Variants in PRKG2 observed in about 807,000 individuals in gnomAD.
PRKG2 encodes the protein cGMP-dependent protein kinase 2.
In PRKG2, 33 loss-of-function variants were observed where a neutral mutation model predicts 97.2. That is an observed-to-expected ratio of 0.34 (90% CI 0.26 to 0.45). The LOEUF (loss-of-function observed/expected upper bound fraction) is 0.45. Ranked by LOEUF, PRKG2 falls within the 20% of genes least tolerant of loss-of-function variation. The probability of loss-of-function intolerance (pLI) is 1.00; values close to 1 mark genes in which losing one functional copy is unlikely to be tolerated. For missense variants in PRKG2, 638 were observed against 900.0 expected (o/e 0.71, Z 3.73); for synonymous variants, 330 against 321.8 (o/e 1.03, Z -0.27).
At chr4:81,115,655 A>G (rs1284101384) in intron 14 of PRKG2, among the ~76,000 whole-genome samples, 2 of 152,130 alleles carry the variant, frequency 1.3e-5, no homozygotes, top group Non-Finnish European at 2.9e-5. Context: ...GCTGCAAACA[A>G]TTTTTACAGT....
intron 11 of PRKG2, among the ~76,000 whole-genome samples, chr4:81,142,194 A>G (rs1747361255): frequency 6.6e-6 from 1 of 152,224 alleles, no homozygotes; most frequent in South Asian, 2.1e-4. Context: ...GGAAGGCACA[A>G]CTAAAATCAG....
rs548566277 is a variant in PRKG2, at chr4:81,093,356, C to T, written c.2127-904G>A. 1.1e-3 allele frequency among the ~76,000 whole-genome samples: 146 copies of T among 137,920 alleles called. 1 individual carries two copies. In the South Asian group the frequency reaches 0.029, roughly 27 times the overall value. The allele number at this position is 137,920 out of a possible 152,430, so 90.5% of individuals were successfully genotyped here. A position where few individuals can be genotyped will look rare whatever the true frequency, so the allele number is the denominator to read the frequency against. On this transcript the variant is annotated intron_variant, in intron 17 of 18. Transcript: ENST00000264399. Reference sequence around the variant, plus strand: ...CCAATCTAAAATTGAAACTCTCCCCCACCAACACACACACACACACACACA... The same window carrying T: ...CCAATCTAAAATTGAAACTCTCCCCTACCAACACACACACACACACACACA...
chr4:81,125,188 T>C (rs1330596475), intron 14 of PRKG2, among the ~76,000 whole-genome samples: 1 of 152,224 alleles, frequency 6.6e-6, no homozygotes, highest in Non-Finnish European at 1.5e-5. Context: ...ATAAAATCCA[T>C]ATATTTTTGG....
Position 81,174,652 on chromosome 4 carries a change from C to A in PRKG2, c.628+141G>T, listed in dbSNP as rs1750768785. On this transcript the variant is annotated intron_variant, in intron 3 of 18. Coordinates refer to ENST00000264399, the MANE Select transcript of PRKG2 (RefSeq NM_006259.3). ...AACATTACCATCATCATGATTAGATCAACAATTTTGCTATTTCATGATTCA... is the reference window on the plus strand; with the variant it reads ...AACATTACCATCATCATGATTAGATAAACAATTTTGCTATTTCATGATTCA... The A allele has an allele frequency of 7.7e-6, 6 of 781,626 alleles. No homozygotes were observed. In the South Asian group the frequency reaches 1.2e-4, roughly 16 times the overall value. The allele number at this position is 781,626 out of a possible 1,614,324, so 48.4% of individuals were successfully genotyped here.
chr4:81,135,044 A>G, intron 14 of PRKG2, 111 bp downstream of exon 14: 3 of 1,092,472 alleles, frequency 2.7e-6, no homozygotes, highest in Non-Finnish European at 1.3e-6. Context: ...CCATACTGCC[A>G]AAGAGAGAAT....
chr4:81,211,640 T>C (rs62302273), intron 1 of PRKG2, among the ~76,000 whole-genome samples: 7,343 of 152,264 alleles, frequency 0.048, 239 homozygotes, highest in Non-Finnish European at 0.076. Flanking sequence ...CAAGGGAAGA[T>C]ACTATTGCAC....
intron 2 of PRKG2, among the ~76,000 whole-genome samples, chr4:81,184,404 C>A (rs958443080): frequency 6.6e-6 from 1 of 152,054 alleles, no homozygotes; most frequent in African/African-American, 2.4e-5. Context: ...AGCAGAGGGG[C>A]CTATTAGAAG....
intron 14 of PRKG2, among the ~76,000 whole-genome samples, chr4:81,111,925 C>T (rs1744031693): frequency 6.6e-6 from 1 of 152,162 alleles, no homozygotes; most frequent in African/African-American, 2.4e-5. Context: ...CAGCATTTCA[C>T]ATTTCACATA....
At chr4:81,142,741 C>CAA in intron 11 of PRKG2, 53 bp downstream of exon 11, 1 of 1,453,560 alleles carries the variant, frequency 6.9e-7, no homozygotes, top group Non-Finnish European at 9.2e-7. Context: ...GAATATAAAA[C>CAA]AAAAAAAAAG....
At chr4:81,141,490 C>T (rs1211848785) in intron 11 of PRKG2, among the ~76,000 whole-genome samples, 2 of 152,148 alleles carry the variant, frequency 1.3e-5, no homozygotes, top group Non-Finnish European at 2.9e-5. Flanking sequence ...AGACATTTCC[C>T]TCAGCACAGT....
chr4:81,148,678 C>T (rs976068341), intron 9 of PRKG2, among the ~76,000 whole-genome samples: 1 of 152,136 alleles, frequency 6.6e-6, no homozygotes, highest in African/African-American at 2.4e-5. Flanking sequence ...AATATTTAGC[C>T]TTCCAGCATC....
At chr4:81,102,363 G>A (rs1421060255) in intron 17 of PRKG2, among the ~76,000 whole-genome samples, 2 of 152,178 alleles carry the variant, frequency 1.3e-5, no homozygotes, top group African/African-American at 4.8e-5. Context: ...AGCATAACAT[G>A]AAGAACCTTC....
At chr4:81,205,091 G>A in intron 1 of PRKG2, 31 bp from the exon 2 acceptor site, 4 of 1,430,532 alleles carry the variant, frequency 2.8e-6, no homozygotes, top group Non-Finnish European at 3.8e-6. Flanking sequence ...GAAGTATCAA[G>A]TGGAGTTTCA....
chr4:81,165,570 G>C (rs1476854918), intron 6 of PRKG2, among the ~76,000 whole-genome samples: 1 of 142,492 alleles, frequency 7.0e-6, no homozygotes. Context: ...CATTACTCTC[G>C]TTAATCACTT....
Position 81,088,411 on chromosome 4 carries a change from T to C in PRKG2, c.*1297A>G, listed in dbSNP as rs968918536. On this transcript the variant is annotated 3_prime_UTR_variant, in exon 19 of 19. Coordinates refer to ENST00000264399, the MANE Select transcript of PRKG2 (RefSeq NM_006259.3). ...TTTTTACTCTGCTAGATTTAAAAAA[T>C]ACAGAAAAGTCTCTGCTTCTCATTC... 2.6e-5 allele frequency: 4 copies of C among 152,120 alleles called. No individual in the cohort carries two copies. Among genetic ancestry groups the C allele is most frequent in the African/African-American group, 9.7e-5 (4 of 41,446 alleles). The allele number at this position is 152,120 out of a possible 1,614,324, so 9.4% of individuals were successfully genotyped here.
chr4:81,173,904 C>T (rs1017833915), intron 3 of PRKG2: 2 of 152,112 alleles, frequency 1.3e-5, no homozygotes, highest in South Asian at 4.1e-4. Flanking sequence ...AAATAGAAAG[C>T]ATTCCTCCAT....
intron 17 of PRKG2, among the ~76,000 whole-genome samples, chr4:81,093,720 T>C (rs1293033307): frequency 6.6e-6 from 1 of 150,868 alleles, no homozygotes; most frequent in Non-Finnish European, 1.5e-5. Context: ...TCATCATTGC[T>C]TATGCATCAC....
At chr4:81,110,680 T>G (rs1743810456) in intron 14 of PRKG2, 69 bp from the exon 15 acceptor site, 1 of 1,557,224 alleles carries the variant, frequency 6.4e-7, no homozygotes, top group Admixed American at 1.7e-5. Context: ...GCCTCCCTCT[T>G]ACCTCTGAAA....
chr4:81,142,168 A>C (rs1368832623), intron 11 of PRKG2, among the ~76,000 whole-genome samples: 1 of 152,232 alleles, frequency 6.6e-6, no homozygotes, highest in Non-Finnish European at 1.5e-5. Context: ...CTGATAGCTC[A>C]GAAAGAGGGT....
Sources: gnomAD v4.1 joint callset for allele counts (sites outside exome capture counted in the v4.1 genomes callset) on GRCh38, gnomAD v4.1.1 for gene constraint, MANE v1.5 for transcripts, NCBI Gene and HGNC (gene_info 2026-07-23, HGNC 2026-07-21) for gene names.